RSPH14: variants seen among roughly 807,000 people sequenced by gnomAD.
RSPH14 encodes the protein rhabdoid tumor deletion region gene 1.
RSPH14 carries 20 observed loss-of-function variants against 26.7 expected under a neutral mutation model. The observed-to-expected ratio is 0.75, with a 90% CI of 0.53 to 1.09. The LOEUF (loss-of-function observed/expected upper bound fraction) is 1.09, where lower values mean the gene tolerates loss of function less well. Among genes scored for constraint, RSPH14 ranks in the 50% least tolerant of loss-of-function variants. RSPH14 has a pLI of 0.00. For synonymous variants in RSPH14, 177 were observed against 189.3 expected (o/e 0.93, Z 0.53); for missense variants, 449 against 457.2 (o/e 0.98, Z 0.16).
chr22:23,077,972 C>T (rs2068552802), intron 4 of RSPH14, among the ~76,000 whole-genome samples: 1 of 152,228 alleles, frequency 6.6e-6, no homozygotes, highest in Non-Finnish European at 1.5e-5. Flanking sequence ...CATGCCTCCT[C>T]CTGCCCAGCT....
At chr22:23,131,617 A>C (rs544827002) in intron 4 of RSPH14, 1 of 1,304,100 alleles carries the variant, frequency 7.7e-7, no homozygotes. Context: ...GAGAGCAGCA[A>C]GTCCCCTGTC....
chr22:23,108,184 C>T (rs1375693014), intron 4 of RSPH14, among the ~76,000 whole-genome samples: 1 of 152,270 alleles, frequency 6.6e-6, no homozygotes, highest in African/African-American at 2.4e-5. Flanking sequence ...ACAGCTGCCA[C>T]ACCAAACGCC....
intron 4 of RSPH14, among the ~76,000 whole-genome samples, chr22:23,121,489 G>A (rs989818243): frequency 6.6e-6 from 1 of 152,152 alleles, no homozygotes; most frequent in Non-Finnish European, 1.5e-5. Flanking sequence ...CCTGGTTGTG[G>A]GGCTTGGAGC....
the RSPH14 span, among the ~76,000 whole-genome samples, chr22:23,173,626 T>G: frequency 9.2e-6 from 1 of 108,886 alleles, no homozygotes; most frequent in South Asian, 2.8e-4. Flanking sequence ...TTTTTGGTTT[T>G]TTGTTTTTTG....
intron 4 of RSPH14, chr22:23,096,014 C>G: frequency 6.2e-7 from 1 of 1,607,688 alleles, no homozygotes; most frequent in Non-Finnish European, 8.5e-7. Context: ...CGCTGTGCAG[C>G]TCTTTGCGCT....
chr22:23,130,026 AAG>A (rs2070275598), intron 4 of RSPH14, among the ~76,000 whole-genome samples: 1 of 150,540 alleles, frequency 6.6e-6, no homozygotes, highest in Non-Finnish European at 1.5e-5. Flanking sequence ...GAAGGAAAGA[AAG>A]AAAGGGAAGG....
intron 4 of RSPH14, among the ~76,000 whole-genome samples, chr22:23,079,745 GAAT>G (rs1177256120): frequency 6.6e-6 from 1 of 152,124 alleles, no homozygotes; most frequent in East Asian, 1.9e-4. Flanking sequence ...GTGAGTGGTA[GAAT>G]TCTGGACAGT....
At chr22:23,130,085 A>AAAG (rs1569192493) in intron 4 of RSPH14, among the ~76,000 whole-genome samples, 4 of 9,368 alleles carry the variant, frequency 4.3e-4, no homozygotes, top group African/African-American at 7.2e-4. Context: ...GAAAGAAAGG[A>AAAG]AGAAAGAAAG....
At chr22:23,064,550 C>A (rs1224268508) in intron 4 of RSPH14, among the ~76,000 whole-genome samples, 2 of 152,218 alleles carry the variant, frequency 1.3e-5, no homozygotes, top group Admixed American at 1.3e-4. Flanking sequence ...CAGCCAAGCC[C>A]CCGCTTCCCA....
chr22:23,139,756 CT>C (rs1231339163), intron 2 of RSPH14, among the ~76,000 whole-genome samples: 11 of 152,134 alleles, frequency 7.2e-5, no homozygotes, highest in Non-Finnish European at 1.5e-5. Flanking sequence ...TGTAGGTGGC[CT>C]TTCTAAGGAT....
chr22:23,135,317 CAAAAAAAAAA>C lies in RSPH14; in HGVS notation c.303-1183_303-1174del, dbSNP rs55649510. On this transcript the variant is annotated intron_variant, in intron 3 of 6. Transcript: ENST00000216036. ...TGAAACCCCGCCTGTACTAAAAATACAAAAAAAAAAAAAAAAAAAAAAAAATTAGCTGGGT... is the reference window on the plus strand; with the variant it reads ...TGAAACCCCGCCTGTACTAAAAATACAAAAAAAAAAAAAAATTAGCTGGGT... Among the ~76,000 whole-genome samples, 35 of 85,886 alleles carry C rather than the reference CAAAAAAAAAA, an allele frequency of 4.1e-4. No homozygotes were observed. In the South Asian group the frequency reaches 6.0e-3, roughly 15 times the overall value. The allele number at this position is 85,886 out of a possible 152,430, so 56.3% of individuals were successfully genotyped here.
chr22:23,075,239 T>C (rs1366845883), intron 4 of RSPH14, among the ~76,000 whole-genome samples: 3 of 152,150 alleles, frequency 2.0e-5, no homozygotes, highest in Non-Finnish European at 4.4e-5. Flanking sequence ...TGGGTTGCGT[T>C]GGACTTTCAG....
At chr22:23,106,132 T>G (rs969152349) in intron 4 of RSPH14, among the ~76,000 whole-genome samples, 1 of 152,202 alleles carries the variant, frequency 6.6e-6, no homozygotes, top group African/African-American at 2.4e-5. Flanking sequence ...ACACTTACCC[T>G]GGGGCTCTGC....
chr22:23,069,253 A>G lies in RSPH14; in HGVS notation c.422-5120T>C, dbSNP rs544578683. Among the ~76,000 whole-genome samples the G allele has an allele frequency of 2.0e-5, 3 of 152,298 alleles. No individual in the cohort carries two copies. The East Asian group carries it at 5.8e-4, about 29-fold the overall frequency. On this transcript the variant is annotated intron_variant, in intron 4 of 6. Coordinates refer to ENST00000216036, the MANE Select transcript of RSPH14 (RefSeq NM_014433.3). ...TCAGGTCCAGGGCTGCTGCTCAAAG[A>G]ATGGCATGATCCACACCTTACAAAG...
In RSPH14 at chr22:23,061,918, C is replaced by T. The variant is rs764746692; in HGVS notation, c.681G>A (p.Val227=). The T allele has an allele frequency of 6.2e-7, 1 of 1,614,170 alleles. No homozygotes were observed. Among genetic ancestry groups the T allele is most frequent in the Admixed American group, 1.7e-5 (1 of 60,032 alleles). ...GGATGGGGATGACGTCAAAATGACA[C>T]ACCTGTTTCTTGCCCTCTCGAGATA... ...VSISREGKKQ[V]CHFDVIPILV... The change falls in exon 6 of 7, where the codon GTG becomes GTA. Residue 227 remains valine (V), a synonymous_variant. Transcript: ENST00000216036.
At chr22:23,112,090 G>A (rs1429451179) in intron 4 of RSPH14, among the ~76,000 whole-genome samples, 1 of 152,192 alleles carries the variant, frequency 6.6e-6, no homozygotes, top group African/African-American at 2.4e-5. Context: ...GCAGGGACCA[G>A]GAGGGCCAGA....
intron 4 of RSPH14, among the ~76,000 whole-genome samples, chr22:23,079,167 T>C (rs1375292934): frequency 2.0e-5 from 3 of 152,204 alleles, no homozygotes; most frequent in African/African-American, 7.2e-5. Context: ...ATAAACACTC[T>C]AAGTAAATTA....
At chr22:23,122,960 G>C (rs2070074331) in intron 4 of RSPH14, 1 of 642,252 alleles carries the variant, frequency 1.6e-6, no homozygotes, top group Non-Finnish European at 2.7e-6. Context: ...AGCAGAAGGA[G>C]GTGCCATTGC....
At chr22:23,113,471 A>G (rs1013627603) in intron 4 of RSPH14, among the ~76,000 whole-genome samples, 1 of 152,220 alleles carries the variant, frequency 6.6e-6, no homozygotes, top group Non-Finnish European at 1.5e-5. Context: ...TTGCACCTAC[A>G]AGCTTCCCCA....
Sources: gnomAD v4.1 joint callset for allele counts (sites outside exome capture counted in the v4.1 genomes callset) on GRCh38, gnomAD v4.1.1 for gene constraint, MANE v1.5 for transcripts, NCBI Gene and HGNC (gene_info 2026-07-23, HGNC 2026-07-21) for gene names.